The following SENP2 variants were observed in gnomAD, a reference collection of about 807,000 sequenced individuals.
SENP2 encodes the protein sentrin-specific protease 2.
SENP2 carries 16 observed loss-of-function variants against 86.3 expected under a neutral mutation model. The observed-to-expected ratio is 0.19, with a 90% CI of 0.13 to 0.28. SENP2 has a LOEUF of 0.28. Ranked by LOEUF, SENP2 falls within the 10% of genes least tolerant of loss-of-function variation. The pLI is 1.00. For missense variants in SENP2, 552 were observed against 703.0 expected, an observed-to-expected ratio of 0.79 and a Z score of 2.43; for synonymous variants, 222 against 238.7, an observed-to-expected ratio of 0.93 and a Z score of 0.64.
chr3:185,586,569 G>A lies in SENP2; in HGVS notation c.101+55G>A. ...TGGCCTTACCCCCTCCCCCACAGCG[G>A]GCTCCTCGGCCGTGATAGCTTTGAT... On this transcript the variant is annotated intron_variant, in intron 1 of 16. Coordinates refer to ENST00000296257, the MANE Select transcript of SENP2 (RefSeq NM_021627.3). This position sits in a 1 kb window ranked among gnomAD's most constrained non-coding sequence, Gnocchi z 4.3. 6.6e-7 allele frequency: 1 copy of A among 1,526,688 alleles called. No homozygotes were observed. Among genetic ancestry groups the A allele is most frequent in the Non-Finnish European group, 9.0e-7 (1 of 1,110,716 alleles). The allele number at this position is 1,526,688 out of a possible 1,614,324, so 94.6% of individuals were successfully genotyped here.
rs983910686 is a variant in SENP2 at position 185,629,937 on chromosome 3, A to T, written c.*93A>T. 1.6e-6 allele frequency: 2 copies of T among 1,253,820 alleles called. No individual in the cohort carries two copies. The highest frequency in any genetic ancestry group is 2.3e-6 in the Non-Finnish European group (2 of 861,510). The allele number at this position is 1,253,820 out of a possible 1,614,324, so 77.7% of individuals were successfully genotyped here. ...TTGTGGGTTAAAAAGTCCCTGCATC[A>T]CTTCTGTTCTCACAGGTACTGAGCT... On this transcript the variant is annotated 3_prime_UTR_variant, in exon 17 of 17. Transcript: ENST00000296257.
At chr3:185,628,775 G>A (rs1331678308) in intron 16 of SENP2, among the ~76,000 whole-genome samples, 1 of 152,174 alleles carries the variant, frequency 6.6e-6, no homozygotes, top group Non-Finnish European at 1.5e-5. Context: ...CAAAGTGCTG[G>A]GATTACAGGC....
chr3:185,605,348 A>G (rs1411876321), intron 5 of SENP2, among the ~76,000 whole-genome samples: 1 of 151,742 alleles, frequency 6.6e-6, no homozygotes. Context: ...TCCTGCCTGG[A>G]GGACAAGAGT....
intron 16 of SENP2, among the ~76,000 whole-genome samples, chr3:185,627,013 A>G (rs1577748368): frequency 7.6e-6 from 1 of 130,770 alleles, no homozygotes; most frequent in Admixed American, 9.1e-5. Flanking sequence ...CGGGAGGTGG[A>G]GGTTGTGGTG....
chr3:185,620,638 G>T (rs1426891200), intron 13 of SENP2, among the ~76,000 whole-genome samples: 3 of 151,434 alleles, frequency 2.0e-5, no homozygotes, highest in Admixed American at 6.6e-5. Flanking sequence ...TAGAAATGGG[G>T]TTTTACCATG....
intron 2 of SENP2, among the ~76,000 whole-genome samples, chr3:185,595,484 TG>T (rs780588161): frequency 6.6e-6 from 1 of 152,234 alleles, no homozygotes; most frequent in Non-Finnish European, 1.5e-5. Flanking sequence ...GTGCTTTACC[TG>T]GCCATTACTT....
At chr3:185,609,426 A>G in intron 7 of SENP2, 76 bp downstream of exon 7, 1 of 1,047,374 alleles carries the variant, frequency 9.5e-7, no homozygotes, top group Non-Finnish European at 1.5e-6. Context: ...ATTGGTGGGA[A>G]GGGCTTTACT....
chr3:185,616,104 G>T (rs546645579), intron 11 of SENP2, among the ~76,000 whole-genome samples: 2 of 145,600 alleles, frequency 1.4e-5, no homozygotes, highest in South Asian at 4.5e-4. Context: ...CTCATGATCC[G>T]CCCGTCTTGG....
At chr3:185,614,861 T>A in intron 11 of SENP2, 121 bp downstream of exon 11, 1 of 876,960 alleles carries the variant, frequency 1.1e-6, no homozygotes, top group Non-Finnish European at 1.8e-6. Context: ...TGAAAACATG[T>A]CAGGTCCATG....
chr3:185,618,977 A>G (rs1458313355), intron 12 of SENP2, among the ~76,000 whole-genome samples: 1 of 152,274 alleles, frequency 6.6e-6, no homozygotes, highest in African/African-American at 2.4e-5. Context: ...TATATGTAGT[A>G]AAATTCACTT....
At position 185,600,833 on chromosome 3, in the gene SENP2, C is replaced by T. The variant is rs747249028; in HGVS notation, c.427C>T (p.Arg143Cys). 1.6e-5 allele frequency: 25 copies of T among 1,611,068 alleles called. No individual in the cohort carries two copies. The highest frequency in any genetic ancestry group is 2.7e-5 in the African/African-American group (2 of 74,874). ...IRVTVTRDQP[R>C]RVLPSFGFTL... Reference sequence around the variant, plus strand: ...AGTGACAGTTACCCGAGATCAGCCACGCAGAGTCCTGCCTTCCTTTGGGTA... The same window carrying T: ...AGTGACAGTTACCCGAGATCAGCCATGCAGAGTCCTGCCTTCCTTTGGGTA... Residue 143 changes from arginine (R) to cysteine (C), a missense_variant, in exon 5 of 17, where the codon CGC becomes TGC. This residue lies in a region of SENP2 where 383 missense variants were observed against 427.3 expected (regional missense o/e 0.90). Coordinates refer to ENST00000296257, the MANE Select transcript of SENP2 (RefSeq NM_021627.3).
chr3:185,625,302 G>A (rs538595553), intron 15 of SENP2, among the ~76,000 whole-genome samples: 4 of 152,020 alleles, frequency 2.6e-5, no homozygotes, highest in Non-Finnish European at 2.9e-5. Flanking sequence ...TAGTAGAGAC[G>A]GAGTTTCACC....
Position 185,629,923 on chromosome 3 carries a change from A to G in SENP2, c.*79A>G, listed in dbSNP as rs1712339344. On this transcript the variant is annotated 3_prime_UTR_variant, in exon 17 of 17. Transcript: ENST00000296257. The stretch of plus-strand genomic sequence containing the variant: ...ATATACCTCATGCATTGTGGGTTAA[A>G]AAGTCCCTGCATCACTTCTGTTCTC... 19 of 1,401,312 alleles carry G rather than the reference A, an allele frequency of 1.4e-5. No individual in the cohort carries two copies. The highest frequency in any genetic ancestry group is 1.8e-5 in the Non-Finnish European group (18 of 990,232). 86.8% of individuals were successfully genotyped at this position (1,401,312 alleles called of 1,614,324 possible).
rs1168792979 is a variant in SENP2 at position 185,629,769 on chromosome 3, G to C, written c.1708-13G>C. ...ATATGTAATGCGGGCGTTGTTTATGGGGTTCTTTGCAGCACCAGATGCCTC... is the reference window on the plus strand; with the variant it reads ...ATATGTAATGCGGGCGTTGTTTATGCGGTTCTTTGCAGCACCAGATGCCTC... On this transcript the variant is annotated splice_polypyrimidine_tract_variant and intron_variant, in intron 16 of 16. Transcript: ENST00000296257. 54 of 1,613,824 alleles carry C rather than the reference G, an allele frequency of 3.3e-5. No homozygotes were observed. The highest frequency in any genetic ancestry group is 4.5e-5 in the Non-Finnish European group (53 of 1,179,868).
intron 13 of SENP2, among the ~76,000 whole-genome samples, chr3:185,620,483 C>A (rs1711808440): frequency 6.6e-6 from 1 of 152,088 alleles, no homozygotes; most frequent in South Asian, 2.1e-4. Context: ...TGCTCTGTTT[C>A]CCAGGCTGGA....
chr3:185,617,650 T>G lies in SENP2; in HGVS notation c.1242+39T>G, dbSNP rs755259434. The stretch of plus-strand genomic sequence containing the variant: ...CCTCCCCCTTTTGGCTATCATTAAG[T>G]TTATTTATTTATTATCTATAATCAA... On this transcript the variant is annotated intron_variant, in intron 12 of 16. Coordinates refer to ENST00000296257, the MANE Select transcript of SENP2 (RefSeq NM_021627.3). The G allele has an allele frequency of 5.1e-6, 8 of 1,573,878 alleles. No individual in the cohort carries two copies. In the East Asian group the frequency reaches 1.6e-4, roughly 31 times the overall value.
chr3:185,592,628 T>C (rs970223343), intron 2 of SENP2, among the ~76,000 whole-genome samples: 2 of 151,958 alleles, frequency 1.3e-5, no homozygotes, highest in Non-Finnish European at 2.9e-5. Context: ...CCTTTTTTTT[T>C]TTTTTTGAGA....
intron 13 of SENP2, among the ~76,000 whole-genome samples, chr3:185,621,244 A>T: frequency 7.5e-6 from 1 of 133,726 alleles, no homozygotes. Flanking sequence ...AAAAAAAAAA[A>T]AAGTCTCATC....
chr3:185,599,641 T>C (rs1157209968), intron 4 of SENP2, among the ~76,000 whole-genome samples: 2 of 152,102 alleles, frequency 1.3e-5, no homozygotes, highest in African/African-American at 4.8e-5. Flanking sequence ...AAGTTGTAGG[T>C]TTAAAATTCA....
Sources: gnomAD v4.1 joint callset for allele counts (sites outside exome capture counted in the v4.1 genomes callset) on GRCh38, gnomAD v4.1.1 for gene constraint, gnomAD v4.1.1 regional missense constraint, Gnocchi (gnomAD v3.1) non-coding constraint, MANE v1.5 for transcripts, NCBI Gene and HGNC (gene_info 2026-07-23, HGNC 2026-07-21) for gene names.